The following RHOG variants were observed in gnomAD, a reference collection of about 807,000 sequenced individuals.
The protein encoded by RHOG is rho-related GTP-binding protein RhoG.
In RHOG, 1 loss-of-function variant was observed where a neutral mutation model predicts 12.3. The observed-to-expected ratio is 0.08, with a 90% CI of 0.03 to 0.39. The LOEUF (loss-of-function observed/expected upper bound fraction) is 0.39, where lower values mean the gene tolerates loss of function less well. Among genes scored for constraint, RHOG ranks in the 10% least tolerant of loss-of-function variants. The pLI is 0.99. For synonymous variants in RHOG, 129 were observed against 116.0 expected (o/e 1.11, Z -0.72); for missense variants, 114 against 266.2 (o/e 0.43, Z 3.98).
chr11:3,827,527 G>T lies in RHOG; in HGVS notation c.*36C>A, dbSNP rs752463502. ...AGGCACCAAGGCACAACTGGTGGGG[G>T]GAGGGCAGGGGCAGCCTCCAAGCCA... is the stretch of plus-strand genomic sequence containing the variant. On this transcript the variant is annotated 3_prime_UTR_variant, in exon 2 of 2. Coordinates refer to ENST00000351018, the MANE Select transcript of RHOG (RefSeq NM_001665.4). The surrounding 1 kb of genome is among the most constrained non-coding windows in gnomAD (Gnocchi z 7.3). The T allele has an allele frequency of 1.9e-6, 3 of 1,541,270 alleles. No individual in the cohort carries two copies. The highest frequency in any genetic ancestry group is 2.3e-5 in the South Asian group (2 of 88,070).
At chr11:3,832,384 C>A (rs1272280566) in intron 1 of RHOG, among the ~76,000 whole-genome samples, 1 of 152,244 alleles carries the variant, frequency 6.6e-6, no homozygotes, top group Non-Finnish European at 1.5e-5. Context: ...ATACAGTCTT[C>A]AAGTTACCCC....
intron 1 of RHOG, among the ~76,000 whole-genome samples, chr11:3,838,765 A>C (rs545678049): frequency 6.6e-6 from 1 of 152,274 alleles, no homozygotes; most frequent in East Asian, 1.9e-4. Context: ...TGACTAGAGG[A>C]GGTAGACAGG....
At chr11:3,838,099 T>A (rs2090167447) in intron 1 of RHOG, among the ~76,000 whole-genome samples, 1 of 152,240 alleles carries the variant, frequency 6.6e-6, no homozygotes, top group Non-Finnish European at 1.5e-5. Flanking sequence ...ACCTCACCAC[T>A]AATGGGTCTA....
intron 1 of RHOG, among the ~76,000 whole-genome samples, chr11:3,840,346 G>A (rs2090183693): frequency 1.3e-5 from 2 of 151,628 alleles, no homozygotes; most frequent in South Asian, 4.2e-4. Flanking sequence ...CACCCAACCC[G>A]GGTCCTCCTG....
At chr11:3,828,683 G>T (rs2090104633) in intron 1 of RHOG, among the ~76,000 whole-genome samples, 1 of 148,450 alleles carries the variant, frequency 6.7e-6, no homozygotes, top group Non-Finnish European at 1.5e-5. Flanking sequence ...GAGTGCAGTG[G>T]CGTCATCTCG....
chr11:3,837,120 C>A (rs1184249301), intron 1 of RHOG, among the ~76,000 whole-genome samples: 1 of 152,070 alleles, frequency 6.6e-6, no homozygotes, highest in East Asian at 1.9e-4. Context: ...TCACATGAGG[C>A]TGTACAGAAG....
chr11:3,828,705 G>C (rs908691221), intron 1 of RHOG, among the ~76,000 whole-genome samples: 18 of 146,542 alleles, frequency 1.2e-4, no homozygotes, highest in Admixed American at 3.5e-4. Flanking sequence ...CTTACTGCAA[G>C]CTCCGCCTCC....
At chr11:3,830,442 C>T (rs2135135155) in intron 1 of RHOG, 1 of 152,098 alleles carries the variant, frequency 6.6e-6, no homozygotes, top group African/African-American at 2.4e-5. Context: ...ATCGCTTGAG[C>T]CCAGGAGTTT....
At chr11:3,836,595 T>C (rs1019148826) in intron 1 of RHOG, among the ~76,000 whole-genome samples, 42 of 151,358 alleles carry the variant, frequency 2.8e-4, no homozygotes, top group Admixed American at 9.9e-4. Context: ...GCACCCTAAG[T>C]GTTCCATAAA....
intron 1 of RHOG, among the ~76,000 whole-genome samples, chr11:3,832,954 C>A (rs1416177623): frequency 6.6e-5 from 10 of 152,024 alleles, no homozygotes; most frequent in Admixed American, 6.6e-4. Context: ...GGAGGCTGGG[C>A]CCAGGAGTGA....
intron 1 of RHOG, among the ~76,000 whole-genome samples, chr11:3,831,819 T>C (rs1318835321): frequency 6.6e-6 from 1 of 151,662 alleles, no homozygotes; most frequent in Non-Finnish European, 1.5e-5. Context: ...AGCAGGAGAG[T>C]GGGTGTTGAC....
At chr11:3,840,329 G>A (rs773437503) in intron 1 of RHOG, among the ~76,000 whole-genome samples, 2 of 152,036 alleles carry the variant, frequency 1.3e-5, no homozygotes, top group African/African-American at 2.4e-5. Flanking sequence ...GGTCGGCGGG[G>A]CTCCCCCACC....
chr11:3,839,485 A>ACAC (rs2090177083), intron 1 of RHOG, among the ~76,000 whole-genome samples: 1 of 141,890 alleles, frequency 7.0e-6, no homozygotes, highest in Non-Finnish European at 1.5e-5. Context: ...CGCGCGCGCG[A>ACAC]ACACACACAC....
rs530539602 is a variant in RHOG, at chr11:3,827,569, G to C, written c.570C>G (p.Leu190=). The change falls in exon 2 of 2, where the codon CTC becomes CTG. Residue 190 remains leucine, a synonymous_variant. Transcript: ENST00000351018. This position sits in a 1 kb window ranked among gnomAD's most constrained non-coding sequence, Gnocchi z 7.3. ...TCCAAGCCAAGTGCCAGGGTCACAA[G>C]AGGATGCAGGACCGCCCACGCTTGA... ...TPIKRGRSCI[L]L 9 of 1,602,876 alleles carry C rather than the reference G, an allele frequency of 5.6e-6. No homozygotes were observed. In the East Asian group the frequency reaches 6.7e-5, roughly 12 times the overall value.
intron 1 of RHOG, among the ~76,000 whole-genome samples, chr11:3,831,160 C>T (rs570707658): frequency 6.6e-6 from 1 of 152,172 alleles, no homozygotes; most frequent in African/African-American, 2.4e-5. Flanking sequence ...CTTACCCCCC[C>T]AGCCTGGGCT....
intron 1 of RHOG, among the ~76,000 whole-genome samples, chr11:3,832,634 G>A (rs1373380730): frequency 6.6e-6 from 1 of 152,258 alleles, no homozygotes; most frequent in Non-Finnish European, 1.5e-5. Flanking sequence ...CTGTATCTGT[G>A]GTAGGGGATC....
chr11:3,835,913 GCTGC>G (rs2090152993), intron 1 of RHOG, among the ~76,000 whole-genome samples: 2 of 152,094 alleles, frequency 1.3e-5, no homozygotes, highest in African/African-American at 4.8e-5. Flanking sequence ...GCTGCAGCTG[GCTGC>G]AGCTGGGCTG....
At chr11:3,836,357 C>CAAAA (rs61427960) in intron 1 of RHOG, among the ~76,000 whole-genome samples, 15,150 of 118,982 alleles carry the variant, frequency 0.13, 1,032 homozygotes, top group Middle Eastern at 0.15. Context: ...ACTCCATCTC[C>CAAAA]AAAAAAAAAA....
intron 1 of RHOG, among the ~76,000 whole-genome samples, chr11:3,830,374 G>A (rs1215943353): frequency 6.6e-6 from 1 of 152,232 alleles, no homozygotes; most frequent in East Asian, 1.9e-4. Context: ...ATGAAATGAG[G>A]CCAGGCACGG....
Sources: gnomAD v4.1 joint callset for allele counts (sites outside exome capture counted in the v4.1 genomes callset) on GRCh38, gnomAD v4.1.1 for gene constraint, Gnocchi (gnomAD v3.1) non-coding constraint, MANE v1.5 for transcripts, NCBI Gene and HGNC (gene_info 2026-07-23, HGNC 2026-07-21) for gene names.